PCNX1: variants seen among roughly 807,000 people sequenced by gnomAD.
The protein encoded by PCNX1 is pecanex-like protein 1.
Under a neutral mutation model 242.2 loss-of-function variants are expected in PCNX1, and 78 were observed. The observed-to-expected ratio is 0.32, with a 90% confidence interval of 0.27 to 0.39. The LOEUF (loss-of-function observed/expected upper bound fraction) is 0.39. PCNX1 is among the 10% of genes least tolerant of loss of function. PCNX1 has a pLI of 1.00. For missense variants in PCNX1, 2,581 were observed against 2,856.5 expected, an observed-to-expected ratio of 0.90 and a Z score of 2.20; for synonymous variants, 1,024 against 1,032.9, an observed-to-expected ratio of 0.99 and a Z score of 0.17.
intron 2 of PCNX1, among the ~76,000 whole-genome samples, chr14:70,948,728 C>CAT (rs370893302): frequency 9.5e-5 from 14 of 146,934 alleles, no homozygotes; most frequent in South Asian, 2.1e-4. Context: ...AGTGTATATA[C>CAT]ATATATATGT....
chr14:71,017,384 G>A (rs2059987317), intron 11 of PCNX1, among the ~76,000 whole-genome samples: 1 of 152,110 alleles, frequency 6.6e-6, no homozygotes, highest in Non-Finnish European at 1.5e-5. Flanking sequence ...ACGCAGAGGT[G>A]TGTGCTTAGG....
At chr14:70,932,074 C>T (rs944538761) in intron 1 of PCNX1, among the ~76,000 whole-genome samples, 1 of 152,182 alleles carries the variant, frequency 6.6e-6, no homozygotes, top group Non-Finnish European at 1.5e-5. Flanking sequence ...TTGCAGAGAG[C>T]CGAGATCGCG....
At chr14:71,016,662 T>C (rs1440680745) in intron 11 of PCNX1, among the ~76,000 whole-genome samples, 1 of 152,144 alleles carries the variant, frequency 6.6e-6, no homozygotes, top group Non-Finnish European at 1.5e-5. Context: ...AGAGAGAAAT[T>C]AGTATTTTGG....
In PCNX1 at chr14:71,102,047, G is replaced by A. The variant is rs998808857; in HGVS notation, c.5647G>A (p.Val1883Ile). 1.5e-5 allele frequency: 24 copies of A among 1,613,692 alleles called. No individual in the cohort carries two copies. The highest frequency in any genetic ancestry group is 2.2e-5 in the East Asian group (1 of 44,886). The stretch of plus-strand genomic sequence containing the variant: ...CCCTACTGTGCTCTATGAAGCCATA[G>A]TATCTCATGAGAAGAACCTCGTAAT... ...DDPTVLYEAI[V>I]SHEKNLVIAH... The change falls in exon 31 of 36, where the codon GTA becomes ATA. Residue 1883 changes from valine (V) to isoleucine (I), a missense_variant. Val to Ile is a conservative substitution (Grantham distance 29). Coordinates refer to ENST00000304743, the MANE Select transcript of PCNX1 (RefSeq NM_014982.3).
At chr14:71,077,390 C>G (rs992457707) in intron 28 of PCNX1, among the ~76,000 whole-genome samples, 6 of 152,168 alleles carry the variant, frequency 3.9e-5, no homozygotes, top group Non-Finnish European at 7.3e-5. Context: ...TATCATGGAG[C>G]AGTGTGAGCT....
At chr14:70,919,787 T>C (rs1373536205) in intron 1 of PCNX1, among the ~76,000 whole-genome samples, 2 of 142,014 alleles carry the variant, frequency 1.4e-5, no homozygotes, top group Non-Finnish European at 3.0e-5. Context: ...GTTCTTCTTT[T>C]ATCCCTGGAA....
intron 1 of PCNX1, among the ~76,000 whole-genome samples, chr14:70,931,115 T>TC (rs2056782714): frequency 6.6e-6 from 1 of 152,186 alleles, no homozygotes; most frequent in African/African-American, 2.4e-5. Context: ...ACCAGCATTC[T>TC]CTCCATCCAC....
At chr14:70,958,966 T>A (rs543975999) in intron 2 of PCNX1, among the ~76,000 whole-genome samples, 16 of 131,380 alleles carry the variant, frequency 1.2e-4, no homozygotes, top group African/African-American at 3.7e-4. Context: ...TAGCAAGATA[T>A]ATCCTCTGTA....
chr14:71,110,364 A>T lies in PCNX1; in HGVS notation c.*429A>T. On this transcript the variant is annotated 3_prime_UTR_variant, in exon 36 of 36. Transcript: ENST00000304743. Reference sequence around the variant, plus strand: ...CATTTACCTTGATTTTTAAGAACAGACCAGTGTAGAAATGTTCCTTTTGAC... The same window carrying T: ...CATTTACCTTGATTTTTAAGAACAGTCCAGTGTAGAAATGTTCCTTTTGAC... The T allele has an allele frequency of 3.4e-6, 1 of 294,502 alleles. No individual in the cohort carries two copies. The highest frequency in any genetic ancestry group is 4.9e-5 in the Admixed American group (1 of 20,470). 18.2% of individuals were successfully genotyped at this position (294,502 alleles called of 1,614,324 possible). A position where few individuals can be genotyped will look rare whatever the true frequency, so the allele number is the denominator to read the frequency against.
chr14:70,972,385 A>G (rs989112889), intron 5 of PCNX1, among the ~76,000 whole-genome samples: 1 of 152,158 alleles, frequency 6.6e-6, no homozygotes, highest in South Asian at 2.1e-4. Context: ...GGGGTTTTAG[A>G]TTCAGGAGTT....
chr14:71,054,460 G>T (rs532610907), intron 24 of PCNX1, among the ~76,000 whole-genome samples: 46 of 152,332 alleles, frequency 3.0e-4, no homozygotes, highest in African/African-American at 1.1e-3. Context: ...TATGGTGGTA[G>T]ATAGGAGTTT....
chr14:70,931,028 T>C (rs1438912575), intron 1 of PCNX1, among the ~76,000 whole-genome samples: 1 of 152,214 alleles, frequency 6.6e-6, no homozygotes, highest in East Asian at 1.9e-4. Flanking sequence ...ATTCATATTC[T>C]TTCTGATCCC....
intron 2 of PCNX1, among the ~76,000 whole-genome samples, chr14:70,955,323 T>G (rs1254862652): frequency 6.6e-6 from 1 of 152,200 alleles, no homozygotes; most frequent in African/African-American, 2.4e-5. Context: ...TGAGAGAGAT[T>G]ATTTTGTTTA....
intron 8 of PCNX1, among the ~76,000 whole-genome samples, chr14:71,000,148 T>C (rs1333857908): frequency 6.6e-6 from 1 of 152,190 alleles, no homozygotes; most frequent in Non-Finnish European, 1.5e-5. Flanking sequence ...GTAAAATGTT[T>C]ATTTTTATCA....
Position 71,113,742 on chromosome 14 carries a change from T to C in PCNX1, c.*3807T>C, listed in dbSNP as rs1174248059. The C allele has an allele frequency of 6.6e-6, 1 of 152,242 alleles. No homozygotes were observed. The highest frequency in any genetic ancestry group is 1.5e-5 in the Non-Finnish European group (1 of 68,044). 9.4% of individuals were successfully genotyped at this position (152,242 alleles called of 1,614,324 possible). On this transcript the variant is annotated 3_prime_UTR_variant, in exon 36 of 36. Coordinates refer to ENST00000304743, the MANE Select transcript of PCNX1 (RefSeq NM_014982.3). The stretch of plus-strand genomic sequence containing the variant: ...GTAATAATGATTTTGTCAGAATTCT[T>C]TGAATTTATATTTACTAGCTACTTA...
intron 8 of PCNX1, among the ~76,000 whole-genome samples, chr14:71,003,668 T>A (rs763827101): frequency 1.4e-4 from 21 of 152,232 alleles, no homozygotes; most frequent in Non-Finnish European, 2.6e-4. Flanking sequence ...ATTTGGGGAT[T>A]AGCAAGCAGG....
intron 30 of PCNX1, among the ~76,000 whole-genome samples, chr14:71,100,334 T>G (rs1268534258): frequency 6.6e-6 from 1 of 152,222 alleles, no homozygotes; most frequent in African/African-American, 2.4e-5. Flanking sequence ...GGAAAAGATT[T>G]TATTTCTCTT....
chr14:71,047,978 C>A lies in PCNX1; in HGVS notation c.4332C>A (p.Phe1444Leu). 2 of 1,607,394 alleles carry A rather than the reference C, an allele frequency of 1.2e-6. No homozygotes were observed. The highest frequency in any genetic ancestry group is 8.5e-7 in the Non-Finnish European group (1 of 1,175,522). ...LLDLFFMSILFNKLWELLYKL... is the reference protein window; with the variant it reads ...LLDLFFMSILLNKLWELLYKL... ...ATCTCTTCTTTATGTCCATACTCTT[C>A]AACAAGGTAATTTATCACTGAAAGG... The change falls in exon 22 of 36, where the codon TTC becomes TTA. Residue 1444 changes from phenylalanine (F) to leucine (L), a missense_variant. By Grantham distance (22) the Phe-to-Leu change is conservative (BLOSUM62 0). Coordinates refer to ENST00000304743, the MANE Select transcript of PCNX1 (RefSeq NM_014982.3).
intron 16 of PCNX1, chr14:71,031,835 C>T (rs188903197): frequency 8.0e-6 from 12 of 1,490,948 alleles, no homozygotes; most frequent in Non-Finnish European, 1.1e-5. Flanking sequence ...ATGGTGGCAT[C>T]GTCTGGCTTC....
Sources: gnomAD v4.1 joint callset for allele counts (sites outside exome capture counted in the v4.1 genomes callset) on GRCh38, gnomAD v4.1.1 for gene constraint, MANE v1.5 for transcripts, NCBI Gene and HGNC (gene_info 2026-07-23, HGNC 2026-07-21) for gene names.